HERC1: variants seen among roughly 807,000 people sequenced by gnomAD.
HERC1 encodes HECT and RLD domain containing E3 ubiquitin protein ligase family member 1, also known as probable E3 ubiquitin-protein ligase HERC1.
A neutral mutation model predicts 554.3 loss-of-function variants in HERC1; 160 were observed. The observed-to-expected ratio is 0.29, with a 90% CI of 0.25 to 0.33. The LOEUF (loss-of-function observed/expected upper bound fraction) is 0.33, where lower values mean the gene tolerates loss of function less well. Among genes scored for constraint, HERC1 ranks in the 10% least tolerant of loss-of-function variants. The pLI, the probability that HERC1 is intolerant of heterozygous loss-of-function variation, is 1.00. For missense variants in HERC1, 4,919 were observed against 5,918.5 expected, an observed-to-expected ratio of 0.83 and a Z score of 5.54; for synonymous variants, 2,175 against 2,131.7, an observed-to-expected ratio of 1.02 and a Z score of -0.56.
At chr15:63,806,222 G>C (rs894109088) in intron 1 of HERC1, among the ~76,000 whole-genome samples, 4 of 151,016 alleles carry the variant, frequency 2.6e-5, no homozygotes. Flanking sequence ...CTAGAGTGCA[G>C]TGGCTATTCA....
In HERC1 at chr15:63,716,434, C is replaced by G; in HGVS notation, c.4018G>C (p.Glu1340Gln). 1 of 1,613,664 alleles carries G rather than the reference C, an allele frequency of 6.2e-7. No homozygotes were observed. The highest frequency in any genetic ancestry group is 8.5e-7 in the Non-Finnish European group (1 of 1,179,738). The part of the protein sequence containing the change: ...NQDSADVDPQ[E>Q]HSFTRTIDEE... ...TCAATAGTTCGAGTAAATGAATGCTCCTGAGGATCAACATCTGCAGAGTCC... is the reference window on the plus strand; with the variant it reads ...TCAATAGTTCGAGTAAATGAATGCTGCTGAGGATCAACATCTGCAGAGTCC... Residue 1340 changes from glutamate (E) to glutamine (Q), a missense_variant, in exon 22 of 78, where the codon GAG (glutamate) becomes CAG (glutamine). Transcript: ENST00000443617.
chr15:63,766,423 A>G (rs2075779639), intron 2 of HERC1, among the ~76,000 whole-genome samples: 1 of 152,042 alleles, frequency 6.6e-6, no homozygotes, highest in Non-Finnish European at 1.5e-5. Flanking sequence ...CCTTGTCTCT[A>G]CTAAAAATAC....
Position 63,775,503 on chromosome 15 carries a change from G to A in HERC1, c.121C>T (p.Leu41=), listed in dbSNP as rs748543860. The change falls in exon 2 of 78, where the codon CTG becomes TTG. Residue 41 remains leucine (L), a synonymous_variant. Coordinates refer to ENST00000443617, the MANE Select transcript of HERC1 (RefSeq NM_003922.4). This position sits in a 1 kb window ranked among gnomAD's most constrained non-coding sequence, Gnocchi z 4.0. ...GGTACTACTTCCTTATTGCTAACCA[G>A]TTTAGAATACAGAACAGCAACTCCC... ...REGVAVLYSK[L]VSNKEVVPLP... 6.2e-7 allele frequency: 1 copy of A among 1,613,948 alleles called. No homozygotes were observed. The highest frequency in any genetic ancestry group is 1.1e-5 in the South Asian group (1 of 91,082).
chr15:63,616,479 C>T lies in HERC1; in HGVS notation c.13892G>A (p.Ser4631Asn), dbSNP rs748563478. 57 of 1,613,838 alleles carry T rather than the reference C, an allele frequency of 3.5e-5. No homozygotes were observed. Among genetic ancestry groups the T allele is most frequent in the Non-Finnish European group, 4.6e-5 (54 of 1,179,870 alleles). ...CCCACTGTCTTCAATGTGAAGAATG[C>T]TGTTGAGAGTCTGCACGTAGAGCAG... ...VDLLYVQTLN[S>N]ILHIEDSGIT... The change falls in exon 75 of 78, where the codon AGC becomes AAC. Residue 4631 changes from serine (S) to asparagine (N), a missense_variant. Around this residue, in one of 11 missense-constraint regions of HERC1, gnomAD observed 284 missense variants for 294.1 expected, o/e 0.97. Transcript: ENST00000443617.
At chr15:63,689,480 A>G (rs1595981322) in intron 33 of HERC1, 109 bp downstream of exon 33, 2 of 604,194 alleles carry the variant, frequency 3.3e-6, no homozygotes, top group East Asian at 5.8e-5. Flanking sequence ...AAGAGAGGAA[A>G]TGGAATAAAT....
In HERC1 at chr15:63,756,544, C is replaced by T; in HGVS notation, c.1426G>A (p.Glu476Lys). 1 of 1,613,908 alleles carries T rather than the reference C, an allele frequency of 6.2e-7. No homozygotes were observed. The highest frequency in any genetic ancestry group is 8.5e-7 in the Non-Finnish European group (1 of 1,179,772). Reference sequence around the variant, plus strand: ...TCTCCCCAACTGAAGACTTCTCCTTCTGTCGTAAAGGCTAAAGTGTGACCA... The same window carrying T: ...TCTCCCCAACTGAAGACTTCTCCTTTTGTCGTAAAGGCTAAAGTGTGACCA... ...SDGHTLAFTT[E>K]GEVFSWGDGD... The change falls in exon 5 of 78, where the codon GAA (glutamate) becomes AAA (lysine). Residue 476 changes from glutamate (E) to lysine (K), a missense_variant. Glu to Lys is a moderately conservative substitution (Grantham distance 56). Transcript: ENST00000443617. The surrounding 1 kb of genome is among the most constrained non-coding windows in gnomAD (Gnocchi z 5.0).
At chr15:63,826,952 A>G (rs1040029921) in intron 1 of HERC1, among the ~76,000 whole-genome samples, 2 of 151,146 alleles carry the variant, frequency 1.3e-5, no homozygotes, top group Non-Finnish European at 3.0e-5. Context: ...ACAAAACTAC[A>G]TGTGCACTTA....
chr15:63,721,024 C>T (rs1178817227), intron 19 of HERC1, among the ~76,000 whole-genome samples: 1 of 151,988 alleles, frequency 6.6e-6, no homozygotes, highest in African/African-American at 2.4e-5. Flanking sequence ...AGTTTTTATT[C>T]ACCTTATATC....
intron 45 of HERC1, 120 bp downstream of exon 45, chr15:63,661,633 G>GAA: frequency 9.6e-7 from 1 of 1,040,000 alleles, no homozygotes; most frequent in Non-Finnish European, 1.4e-6. Context: ...CAAAGTGTAA[G>GAA]AATCACGGGA....
intron 24 of HERC1, among the ~76,000 whole-genome samples, chr15:63,707,100 C>T (rs2073045518): frequency 6.6e-6 from 1 of 152,156 alleles, no homozygotes; most frequent in Admixed American, 6.5e-5. Flanking sequence ...TACCTTTTTC[C>T]ATTGGAATCT....
In HERC1 at chr15:63,727,782, G is replaced by A; in HGVS notation, c.3211C>T (p.Leu1071=). Reference sequence around the variant, plus strand: ...CGAGCCACTGACACAGGGAGTAACAGCAGGGAGTTAACAATCTGGCAGAGC... The same window carrying A: ...CGAGCCACTGACACAGGGAGTAACAACAGGGAGTTAACAATCTGGCAGAGC... ...SMLCQIVNSL[L]LLPVSVARPL... is the part of the protein sequence containing the mutation. The change falls in exon 17 of 78, where the codon CTG becomes TTG. Residue 1071 remains leucine (L), a synonymous_variant. Transcript: ENST00000443617. The surrounding 1 kb of genome is among the most constrained non-coding windows in gnomAD (Gnocchi z 4.3). The A allele has an allele frequency of 1.2e-6, 2 of 1,613,930 alleles. No homozygotes were observed. The highest frequency in any genetic ancestry group is 1.7e-6 in the Non-Finnish European group (2 of 1,179,820).
At chr15:63,826,080 A>G (rs776189610) in intron 1 of HERC1, among the ~76,000 whole-genome samples, 1 of 152,138 alleles carries the variant, frequency 6.6e-6, no homozygotes, top group Non-Finnish European at 1.5e-5. Context: ...TAATTTCTTA[A>G]AAAGAAAACG....
intron 12 of HERC1, among the ~76,000 whole-genome samples, chr15:63,742,633 A>G (rs867476383): frequency 6.6e-6 from 1 of 152,172 alleles, no homozygotes; most frequent in African/African-American, 2.4e-5. Context: ...TCAGGTTAAG[A>G]AAGTTCCCTT....
At chr15:63,671,286 C>T (rs1033765157) in intron 39 of HERC1, among the ~76,000 whole-genome samples, 17 of 150,284 alleles carry the variant, frequency 1.1e-4, no homozygotes, top group Non-Finnish European at 7.4e-5. Context: ...AGGAGGATGG[C>T]TTGAATCTAG....
rs1487108668 is a variant in HERC1 at position 63,692,842 on chromosome 15, G to C, written c.5675-276C>G. Among the ~76,000 whole-genome samples the C allele has an allele frequency of 2.0e-5, 3 of 152,138 alleles. No individual in the cohort carries two copies. Among genetic ancestry groups the C allele is most frequent in the African/African-American group, 7.2e-5 (3 of 41,418 alleles). The stretch of plus-strand genomic sequence containing the variant: ...AAGAATTATTGGTGACTAGAGAACA[G>C]AACAGTCTAGGAAGAAGTCGAGCTC... On this transcript the variant is annotated intron_variant, in intron 30 of 77. Transcript: ENST00000443617. This position sits in a 1 kb window ranked among gnomAD's most constrained non-coding sequence, Gnocchi z 4.7.
At chr15:63,770,166 C>T (rs1407929137) in intron 2 of HERC1, among the ~76,000 whole-genome samples, 2 of 152,164 alleles carry the variant, frequency 1.3e-5, no homozygotes, top group Admixed American at 1.3e-4. Flanking sequence ...CTCCCCACAA[C>T]TCAATCGCTT....
At chr15:63,786,276 T>TAA (rs375937848) in intron 1 of HERC1, among the ~76,000 whole-genome samples, 18 of 126,264 alleles carry the variant, frequency 1.4e-4, no homozygotes, top group East Asian at 9.1e-4. Flanking sequence ...ATGTTTCTAT[T>TAA]AAAAAAAAAA....
chr15:63,699,200 A>G, intron 25 of HERC1, among the ~76,000 whole-genome samples: 1 of 152,220 alleles, frequency 6.6e-6, no homozygotes, highest in Non-Finnish European at 1.5e-5. Context: ...ATGTAAGAAA[A>G]TAAAGGGAAA....
At chr15:63,691,473 T>TA (rs1286245551) in intron 31 of HERC1, among the ~76,000 whole-genome samples, 1 of 151,384 alleles carries the variant, frequency 6.6e-6, no homozygotes, top group Non-Finnish European at 1.5e-5. Context: ...CTCAAAATAA[T>TA]AAAAAATAAA....
Sources: allele counts gnomAD v4.1 joint callset (sites outside exome capture counted in the v4.1 genomes callset), GRCh38; gene constraint gnomAD v4.1.1; regional missense constraint gnomAD v4.1.1; non-coding constraint Gnocchi (gnomAD v3.1); transcripts MANE v1.5; gene names NCBI Gene and HGNC (gene_info 2026-07-23, HGNC 2026-07-21).